FYB2: variants seen among roughly 807,000 people sequenced by gnomAD.
FYB2 encodes FYN-binding protein 2.
FYB2 carries 103 observed loss-of-function variants against 94.1 expected under a neutral mutation model. That is an observed-to-expected ratio of 1.09 (90% CI 0.93 to 1.29). The LOEUF is 1.29. Among genes scored for constraint, FYB2 ranks in the 50% most tolerant of loss-of-function variants. FYB2 has a pLI of 0.00. For missense variants in FYB2, 896 were observed against 841.5 expected (o/e 1.06, Z -0.80); for synonymous variants, 293 against 287.9 (o/e 1.02, Z -0.18).
intron 4 of FYB2, among the ~76,000 whole-genome samples, chr1:56,779,885 A>T (rs1381681875): frequency 6.6e-6 from 1 of 152,174 alleles, no homozygotes; most frequent in Non-Finnish European, 1.5e-5. Flanking sequence ...TTTGGTTCTG[A>T]GTTCATATCC....
chr1:56,813,730 C>A (rs949965408), intron 1 of FYB2, among the ~76,000 whole-genome samples: 1 of 152,152 alleles, frequency 6.6e-6, no homozygotes, highest in African/African-American at 2.4e-5. Context: ...GAATTAACTG[C>A]ACTTTGAGTT....
chr1:56,728,993 C>T (rs1644644293), intron 15 of FYB2, among the ~76,000 whole-genome samples: 1 of 152,044 alleles, frequency 6.6e-6, no homozygotes, highest in South Asian at 2.1e-4. Flanking sequence ...AAATGCTGGA[C>T]AGCATATCCG....
intron 15 of FYB2, among the ~76,000 whole-genome samples, chr1:56,729,730 C>T (rs913229301): frequency 2.0e-5 from 3 of 152,072 alleles, no homozygotes; most frequent in Non-Finnish European, 2.9e-5. Context: ...GTATAGTACA[C>T]ATTCTTTTCA....
chr1:56,784,357 T>C (rs1422919027), intron 4 of FYB2, among the ~76,000 whole-genome samples: 1 of 152,144 alleles, frequency 6.6e-6, no homozygotes, highest in Non-Finnish European at 1.5e-5. Context: ...CTTGGCTACA[T>C]GAGATTATCA....
intron 9 of FYB2, 118 bp downstream of exon 9, chr1:56,750,926 T>C (rs1029297467): frequency 6.5e-6 from 8 of 1,233,708 alleles, no homozygotes; most frequent in Non-Finnish European, 8.9e-6. Context: ...CTAGGGCAAG[T>C]TGCTTGGCAC....
intron 1 of FYB2, among the ~76,000 whole-genome samples, chr1:56,816,676 T>C (rs1380136855): frequency 6.6e-6 from 1 of 152,158 alleles, no homozygotes; most frequent in Non-Finnish European, 1.5e-5. Flanking sequence ...ATTATCAAGA[T>C]GATACCTCCT....
intron 2 of FYB2, 121 bp from the exon 3 acceptor site, chr1:56,789,255 G>A: frequency 8.8e-7 from 1 of 1,137,448 alleles, no homozygotes; most frequent in Non-Finnish European, 1.2e-6. Flanking sequence ...CCAACAGCTA[G>A]AGTGCCCTGA....
At chr1:56,771,584 C>T (rs555799192) in intron 4 of FYB2, among the ~76,000 whole-genome samples, 4 of 152,238 alleles carry the variant, frequency 2.6e-5, no homozygotes, top group South Asian at 2.1e-4. Flanking sequence ...GTTCCATTTG[C>T]TATAGATGCA....
At chr1:56,722,728 A>G (rs927055050) in intron 17 of FYB2, among the ~76,000 whole-genome samples, 3 of 152,086 alleles carry the variant, frequency 2.0e-5, no homozygotes, top group African/African-American at 7.2e-5. Flanking sequence ...GTGGCAAGAG[A>G]TAAAGCCAGG....
chr1:56,729,214 A>ATT (rs1193812613), intron 15 of FYB2, among the ~76,000 whole-genome samples: 1 of 152,282 alleles, frequency 6.6e-6, no homozygotes, highest in South Asian at 2.1e-4. Context: ...TGCACTTAAG[A>ATT]AAGTTTGGAG....
intron 1 of FYB2, among the ~76,000 whole-genome samples, chr1:56,811,772 C>T (rs530873845): frequency 3.4e-4 from 51 of 152,206 alleles, no homozygotes; most frequent in Middle Eastern, 3.4e-3. Context: ...AACAAACAAA[C>T]AAACAAACAA....
rs1242761689 is a variant in FYB2, at chr1:56,792,172, G to C, written c.641C>G (p.Ser214Cys). Residue 214 changes from serine (S) to cysteine (C), a missense_variant, in exon 2 of 20, where the codon TCT becomes TGT. Physicochemically the swap from Ser to Cys is moderately radical, Grantham distance 112 (BLOSUM62 -1). Transcript: ENST00000343433. Reference sequence around the variant, plus strand: ...TCTGATATGTTGAGAAATTACAAAAGAGGGATCTTCAGAGACGTTATGTAA... The same window carrying C: ...TCTGATATGTTGAGAAATTACAAAACAGGGATCTTCAGAGACGTTATGTAA... ...KILHNVSEDP[S>C]FVISQHIRKS... The C allele has an allele frequency of 6.2e-7, 1 of 1,614,122 alleles. No homozygotes were observed. Among genetic ancestry groups the C allele is most frequent in the East Asian group, 2.2e-5 (1 of 44,882 alleles).
At chr1:56,719,957 G>C in intron 19 of FYB2, 65 bp downstream of exon 19, 1 of 1,441,016 alleles carries the variant, frequency 6.9e-7, no homozygotes, top group Non-Finnish European at 9.5e-7. Context: ...GTCTTCTCTT[G>C]AGACTAATGT....
At chr1:56,784,978 A>G (rs541302078) in intron 4 of FYB2, among the ~76,000 whole-genome samples, 86 of 152,206 alleles carry the variant, frequency 5.7e-4, no homozygotes, top group African/African-American at 2.0e-3. Context: ...GCCCCTCTTT[A>G]TCTCTTTTGC....
intron 1 of FYB2, among the ~76,000 whole-genome samples, chr1:56,817,620 T>A (rs1342377): frequency 6.6e-6 from 1 of 152,210 alleles, no homozygotes; most frequent in East Asian, 1.9e-4. Flanking sequence ...ACACAAACCA[T>A]GTCCTCAATA....
At chr1:56,793,096 A>G (rs887411067) in intron 1 of FYB2, among the ~76,000 whole-genome samples, 7 of 152,150 alleles carry the variant, frequency 4.6e-5, no homozygotes, top group African/African-American at 1.7e-4. Flanking sequence ...CAGTACTAAA[A>G]ACAGTGGAGA....
At chr1:56,750,958 T>C (rs12046225) in intron 9 of FYB2, 86 bp downstream of exon 9, 162,765 of 1,448,570 alleles carry the variant, frequency 0.11, 10,221 homozygotes, top group East Asian at 0.23. Context: ...TCAATAAATA[T>C]TGGTAAAATA....
intron 9 of FYB2, among the ~76,000 whole-genome samples, chr1:56,746,799 T>C (rs1283720008): frequency 6.6e-6 from 1 of 152,054 alleles, no homozygotes; most frequent in Non-Finnish European, 1.5e-5. Context: ...TGCACTTATA[T>C]TGGGATATAT....
chr1:56,814,838 T>A (rs981331885), intron 1 of FYB2, among the ~76,000 whole-genome samples: 5 of 152,176 alleles, frequency 3.3e-5, no homozygotes, highest in Non-Finnish European at 1.5e-5. Context: ...GAATTATTCA[T>A]GAAAAACCCT....
Sources: allele counts gnomAD v4.1 joint callset (sites outside exome capture counted in the v4.1 genomes callset), GRCh38; gene constraint gnomAD v4.1.1; transcripts MANE v1.5; gene names NCBI Gene and HGNC (gene_info 2026-07-23, HGNC 2026-07-21).